The following BEAN1 variants were observed in gnomAD, a reference collection of about 807,000 sequenced individuals.
BEAN1 encodes brain expressed associated with NEDD4 1.
BEAN1 carries 17 observed loss-of-function variants against 17.7 expected under a neutral mutation model. That is an observed-to-expected ratio of 0.96 (90% CI 0.66 to 1.44). The LOEUF is 1.44. Ranked by LOEUF, BEAN1 falls within the 40% of genes most tolerant of loss-of-function variation. BEAN1 has a pLI of 0.00. For synonymous variants in BEAN1, 142 were observed against 151.8 expected, an observed-to-expected ratio of 0.94 and a Z score of 0.47; for missense variants, 359 against 374.1, an observed-to-expected ratio of 0.96 and a Z score of 0.33.
intron 3 of BEAN1, among the ~76,000 whole-genome samples, chr16:66,475,433 G>A (rs1187748858): frequency 2.0e-5 from 3 of 152,194 alleles, no homozygotes; most frequent in South Asian, 2.1e-4. Context: ...TCAGGTCCAG[G>A]AAGCAGCCCT....
chr16:66,478,715 G>T (rs1963866278), intron 4 of BEAN1, among the ~76,000 whole-genome samples: 1 of 152,220 alleles, frequency 6.6e-6, no homozygotes, highest in Non-Finnish European at 1.5e-5. Flanking sequence ...CCCACCAGTG[G>T]TGTCGTTACT....
At position 66,433,950 on chromosome 16, in the gene BEAN1, G is replaced by C. The variant is rs550141233; in HGVS notation, c.-82-3645G>C. 1.4e-4 allele frequency among the ~76,000 whole-genome samples: 21 copies of C among 152,348 alleles called. 1 individual carries two copies. In the East Asian group the frequency reaches 2.1e-3, roughly 15 times the overall value. ...GCCACATGCTCCCCTGCCCAACTCT[G>C]AGTGTCACAGCAGAGCCCAGAGTGG... On this transcript the variant is annotated intron_variant, in intron 1 of 4. Transcript: ENST00000536005.
downstream of BEAN1, among the ~76,000 whole-genome samples, chr16:66,487,508 A>C (rs1328621119): frequency 1.3e-5 from 2 of 152,136 alleles, no homozygotes; most frequent in African/African-American, 4.8e-5. Context: ...CCTGCCAGTC[A>C]CACAGACTTG....
intron 2 of BEAN1, chr16:66,451,137 T>A (rs1962657950): frequency 6.5e-6 from 1 of 153,644 alleles, no homozygotes; most frequent in Non-Finnish European, 1.5e-5. Context: ...AGAACAAACC[T>A]ATTAGAGTGA....
intron 1 of BEAN1, among the ~76,000 whole-genome samples, chr16:66,429,514 G>T (rs1961713265): frequency 6.6e-6 from 1 of 152,182 alleles, no homozygotes; most frequent in South Asian, 2.1e-4. Context: ...TCACACCCAT[G>T]TTGGTCCCTG....
chr16:66,450,365 T>C (rs891680148), intron 2 of BEAN1, among the ~76,000 whole-genome samples: 1 of 152,090 alleles, frequency 6.6e-6, no homozygotes, highest in African/African-American at 2.4e-5. Context: ...TGAATGAGGG[T>C]CTGTTTCTAA....
chr16:66,441,286 G>A (rs955798510), intron 2 of BEAN1, among the ~76,000 whole-genome samples: 5 of 152,112 alleles, frequency 3.3e-5, no homozygotes, highest in African/African-American at 1.2e-4. Flanking sequence ...ACAGGTTCTG[G>A]GAGGGATGCT....
At chr16:66,470,021 C>G (rs995270305) in intron 3 of BEAN1, 156 bp downstream of exon 3, 1 of 1,046,598 alleles carries the variant, frequency 9.6e-7, no homozygotes, top group African/African-American at 1.6e-5. Flanking sequence ...TCACAGGCGC[C>G]CACCATAATG....
intron 2 of BEAN1, among the ~76,000 whole-genome samples, chr16:66,446,451 G>T (rs116951032): frequency 6.6e-6 from 1 of 152,288 alleles, no homozygotes; most frequent in Non-Finnish European, 1.5e-5. Context: ...GAGTCAAGAT[G>T]CAGAGTTTTG....
intron 2 of BEAN1, among the ~76,000 whole-genome samples, chr16:66,450,544 T>G (rs1466033770): frequency 1.3e-5 from 2 of 152,036 alleles, no homozygotes; most frequent in Non-Finnish European, 2.9e-5. Context: ...AGCAAGACCC[T>G]GTGTATACAA....
chr16:66,469,634 C>T lies in BEAN1; in HGVS notation c.58C>T (p.Pro20Ser), dbSNP rs983477217. The T allele has an allele frequency of 4.5e-5, 69 of 1,536,002 alleles. No individual in the cohort carries two copies. The highest frequency in any genetic ancestry group is 5.6e-5 in the Non-Finnish European group (64 of 1,146,888). Residue 20 changes from proline (P) to serine (S), a missense_variant, in exon 3 of 5, where the codon CCC becomes TCC. Pro to Ser is a moderately conservative substitution (Grantham distance 74). Transcript: ENST00000536005. ...ATACAACCGCACCAGCTACTTCTAC[C>T]CCACATTCTCAGAGAGCTCGGAGCA... ...ARYNRTSYFY[P>S]TFSESSEHSH...
In BEAN1 at chr16:66,480,626, GTCCCCACGGACGCA is replaced by G. The variant is rs1215110129; in HGVS notation, c.482_495del (p.Val161AlafsTer8). The G allele has an allele frequency of 3.9e-6, 6 of 1,549,890 alleles. No individual in the cohort carries two copies. The highest frequency in any genetic ancestry group is 5.2e-6 in the Non-Finnish European group (6 of 1,145,846). ...GGGGCCAGGGGCCACTCAGCTGTAT[GTCCCCACGGACGCA>G]CCACCACCCTACTCGCTGACTGATT... On this transcript the variant is annotated frameshift_variant, in exon 5 of 5. Coordinates refer to ENST00000536005, the MANE Select transcript of BEAN1 (RefSeq NM_001178020.3). LOFTEE classifies it low-confidence loss of function (END_TRUNC).
chr16:66,470,988 A>G (rs1021318184), intron 3 of BEAN1, among the ~76,000 whole-genome samples: 1 of 152,184 alleles, frequency 6.6e-6, no homozygotes, highest in African/African-American at 2.4e-5. Context: ...CACCCTTCAC[A>G]CTGCAGGGTG....
intron 2 of BEAN1, among the ~76,000 whole-genome samples, chr16:66,459,208 C>T (rs756146721): frequency 2.6e-5 from 4 of 152,188 alleles, no homozygotes; most frequent in East Asian, 1.9e-4. Flanking sequence ...TCTCCTGCCC[C>T]GAACCCTGCC....
intron 2 of BEAN1, among the ~76,000 whole-genome samples, chr16:66,453,836 T>G (rs1288060185): frequency 6.6e-6 from 1 of 152,036 alleles, no homozygotes; most frequent in Admixed American, 6.6e-5. Flanking sequence ...CAGGTTCAAA[T>G]GATTCTCCTG....
At chr16:66,494,241 G>A (rs1416899826), downstream of BEAN1, among the ~76,000 whole-genome samples, 2 of 152,160 alleles carry the variant, frequency 1.3e-5, no homozygotes, top group Non-Finnish European at 2.9e-5. Flanking sequence ...GGGCACGGGG[G>A]AAGAGTGGCC....
rs1259656200 is a variant in BEAN1, at chr16:66,481,441, C to T, written c.*516C>T. ...GTCCTCCTGGGAGGCGGGACAGGCC[C>T]CAGTGAGGTTCCGTTGTGCGCTGTG... is the stretch of plus-strand genomic sequence containing the variant. On this transcript the variant is annotated 3_prime_UTR_variant, in exon 5 of 5. Transcript: ENST00000536005. The surrounding 1 kb of genome is among the most constrained non-coding windows in gnomAD (Gnocchi z 4.1). 1 of 394,746 alleles carries T rather than the reference C, an allele frequency of 2.5e-6. No individual in the cohort carries two copies. Among genetic ancestry groups the T allele is most frequent in the Non-Finnish European group, 4.5e-6 (1 of 224,310 alleles). The allele number at this position is 394,746 out of a possible 1,614,324, so 24.5% of individuals were successfully genotyped here.
At chr16:66,493,454 C>T (rs199506725) in exon 5 of BEAN1, 1 of 609,048 alleles carries the variant, frequency 1.6e-6, no homozygotes, top group East Asian at 2.7e-5. Context: ...CCCCCAGTGC[C>T]ATGGCAGCAC....
rs975206918 is a variant in BEAN1, at chr16:66,477,728, G to A, written c.440+18G>A. ...CCACCAGGGTAAGGAGGCCTCATGG[G>A]GAAGGGGGCATCAGAGGATGGGGCC... is the stretch of plus-strand genomic sequence containing the variant. On this transcript the variant is annotated intron_variant, in intron 4 of 4. Coordinates refer to ENST00000536005, the MANE Select transcript of BEAN1 (RefSeq NM_001178020.3). 3.9e-6 allele frequency: 6 copies of A among 1,528,390 alleles called. No individual in the cohort carries two copies. In the African/African-American group the frequency reaches 4.2e-5, roughly 11 times the overall value. The allele number at this position is 1,528,390 out of a possible 1,614,324, so 94.7% of individuals were successfully genotyped here.
Sources: gnomAD v4.1 joint callset for allele counts (sites outside exome capture counted in the v4.1 genomes callset) on GRCh38, gnomAD v4.1.1 for gene constraint, Gnocchi (gnomAD v3.1) non-coding constraint, MANE v1.5 for transcripts, NCBI Gene and HGNC (gene_info 2026-07-23, HGNC 2026-07-21) for gene names.